DNAJC24: variants seen among roughly 807,000 people sequenced by gnomAD.
The protein encoded by DNAJC24 is DnaJ heat shock protein family (Hsp40) member C24, also known as dnaJ homolog subfamily C member 24.
A neutral mutation model predicts 18.0 loss-of-function variants in DNAJC24; 17 were observed. The observed-to-expected ratio is 0.94, with a 90% CI of 0.65 to 1.42. The LOEUF (loss-of-function observed/expected upper bound fraction) is 1.42, where lower values mean the gene tolerates loss of function less well. Ranked by LOEUF, DNAJC24 falls within the 40% of genes most tolerant of loss-of-function variation. DNAJC24 has a pLI of 0.00. For missense variants in DNAJC24, 158 were observed against 175.6 expected, an observed-to-expected ratio of 0.90 and a Z score of 0.57; for synonymous variants, 55 against 57.7, an observed-to-expected ratio of 0.95 and a Z score of 0.21.
At position 31,375,889 on chromosome 11, in the gene DNAJC24, A is replaced by G. The variant is rs762713690; in HGVS notation, c.111+5030A>G. 1.9e-4 allele frequency among the ~76,000 whole-genome samples: 26 copies of G among 135,344 alleles called. 5 individuals carry two copies. Among genetic ancestry groups the G allele is most frequent in the Non-Finnish European group, 3.1e-4 (18 of 58,484 alleles). The allele number at this position is 135,344 out of a possible 152,430, so 88.8% of individuals were successfully genotyped here. Reference sequence around the variant, plus strand: ...CTCCTTGTAGATAGCTATGTATACTATGGGAGCAAGAAGTCTCAGCTAACA... The same window carrying G: ...CTCCTTGTAGATAGCTATGTATACTGTGGGAGCAAGAAGTCTCAGCTAACA... On this transcript the variant is annotated intron_variant, in intron 2 of 4. Coordinates refer to ENST00000465995, the MANE Select transcript of DNAJC24 (RefSeq NM_181706.5).
chr11:31,389,778 A>T (rs1435273468), intron 2 of DNAJC24, among the ~76,000 whole-genome samples: 1 of 152,242 alleles, frequency 6.6e-6, no homozygotes, highest in Non-Finnish European at 1.5e-5. Flanking sequence ...ACAATTTTTT[A>T]AAATTCAAAC....
chr11:31,430,312 TAC>T lies in DNAJC24; in HGVS notation c.363_364del (p.Tyr121Ter). The T allele has an allele frequency of 2.5e-6, 4 of 1,611,146 alleles. No homozygotes were observed. Among genetic ancestry groups the T allele is most frequent in the Non-Finnish European group, 3.4e-6 (4 of 1,177,950 alleles). ...TCTGAGTTGCAGATGTGGTGGAAAA[TAC>T]AGTGTTTCCAAGGATGAAGCGGAAG... ...FYLSCRCGGK[Y>X]SVSKDEAEEV... On this transcript the variant is annotated frameshift_variant, in exon 5 of 5. Transcript: ENST00000465995.
In DNAJC24 at chr11:31,388,750, A is replaced by G. The variant is rs1952457126; in HGVS notation, c.111+17891A>G. 2.0e-5 allele frequency among the ~76,000 whole-genome samples: 3 copies of G among 152,330 alleles called. No individual in the cohort carries two copies. The South Asian group carries it at 6.2e-4, about 32-fold the overall frequency. On this transcript the variant is annotated intron_variant, in intron 2 of 4. Transcript: ENST00000465995. ...TAGTTGTGGTAGGTAAACTACTTGTATCCTGAGAAGAGAGAGTAAATGATG... is the reference window on the plus strand; with the variant it reads ...TAGTTGTGGTAGGTAAACTACTTGTGTCCTGAGAAGAGAGAGTAAATGATG...
At chr11:31,408,919 G>C (rs1952679663) in intron 2 of DNAJC24, among the ~76,000 whole-genome samples, 1 of 152,106 alleles carries the variant, frequency 6.6e-6, no homozygotes, top group African/African-American at 2.4e-5. Flanking sequence ...GAATCACACA[G>C]ATACTATCAC....
At chr11:31,392,018 T>G (rs1293620323) in intron 2 of DNAJC24, among the ~76,000 whole-genome samples, 1 of 152,136 alleles carries the variant, frequency 6.6e-6, no homozygotes, top group African/African-American at 2.4e-5. Flanking sequence ...CTTTACATGT[T>G]TTTACTTATT....
At chr11:31,419,670 A>G (rs553593646) in intron 3 of DNAJC24, among the ~76,000 whole-genome samples, 53 of 151,508 alleles carry the variant, frequency 3.5e-4, no homozygotes, top group African/African-American at 1.3e-3. Flanking sequence ...AACTTTAACC[A>G]CTCTCCCAAC....
intron 2 of DNAJC24, among the ~76,000 whole-genome samples, chr11:31,400,320 T>C (rs749444144): frequency 2.6e-5 from 4 of 152,128 alleles, no homozygotes; most frequent in Non-Finnish European, 5.9e-5. Flanking sequence ...TCTAGGTCCT[T>C]GAGGAATCGC....
chr11:31,376,064 G>A (rs1010622992), intron 2 of DNAJC24, among the ~76,000 whole-genome samples: 29 of 84,092 alleles, frequency 3.4e-4, no homozygotes, highest in African/African-American at 8.3e-4. Context: ...TGGCGAGGAG[G>A]GGGTTCCCCC....
At chr11:31,423,789 G>C (rs1409206296) in intron 3 of DNAJC24, among the ~76,000 whole-genome samples, 1 of 152,126 alleles carries the variant, frequency 6.6e-6, no homozygotes, top group South Asian at 2.1e-4. Flanking sequence ...GACAGCCACA[G>C]AATATGAAAA....
intron 2 of DNAJC24, among the ~76,000 whole-genome samples, chr11:31,411,730 T>A (rs1413949439): frequency 6.6e-6 from 1 of 152,220 alleles, no homozygotes; most frequent in Non-Finnish European, 1.5e-5. Flanking sequence ...AACCAGATAA[T>A]CCAGCAAAAT....
intron 2 of DNAJC24, among the ~76,000 whole-genome samples, chr11:31,391,860 A>C (rs1348257679): frequency 3.9e-5 from 6 of 152,250 alleles, no homozygotes; most frequent in African/African-American, 7.2e-5. Context: ...TTAAGTGTAC[A>C]TCAACAGACA....
At chr11:31,398,223 T>A (rs1477623816) in intron 2 of DNAJC24, among the ~76,000 whole-genome samples, 1 of 152,146 alleles carries the variant, frequency 6.6e-6, no homozygotes, top group Non-Finnish European at 1.5e-5. Context: ...TTACTCTTTT[T>A]TTTTTCCCTG....
chr11:31,414,293 A>G (rs755578620), intron 2 of DNAJC24, among the ~76,000 whole-genome samples: 7 of 152,210 alleles, frequency 4.6e-5, no homozygotes, highest in Non-Finnish European at 8.8e-5. Context: ...TATAATCTTC[A>G]GGGCTGGGGA....
intron 2 of DNAJC24, among the ~76,000 whole-genome samples, chr11:31,394,302 G>A (rs2133480609): frequency 6.6e-6 from 1 of 152,332 alleles, no homozygotes; most frequent in South Asian, 2.1e-4. Flanking sequence ...AGCATACCTT[G>A]CTTAATTTCA....
intron 3 of DNAJC24, among the ~76,000 whole-genome samples, chr11:31,418,945 C>T (rs902024144): frequency 4.6e-5 from 7 of 151,846 alleles, no homozygotes; most frequent in African/African-American, 1.7e-4. Flanking sequence ...ACCTTAAAAC[C>T]CCACCAACAA....
chr11:31,426,712 T>G (rs1267047928), intron 4 of DNAJC24: 1 of 162,436 alleles, frequency 6.2e-6, no homozygotes, highest in Non-Finnish European at 1.3e-5. Flanking sequence ...TTTTTTCCGT[T>G]CCTTTTAATG....
rs887058069 is a variant in DNAJC24 at position 31,375,440 on chromosome 11, G to A, written c.111+4581G>A. On this transcript the variant is annotated intron_variant, in intron 2 of 4. Coordinates refer to ENST00000465995, the MANE Select transcript of DNAJC24 (RefSeq NM_181706.5). Reference sequence around the variant, plus strand: ...TAAGGAGAATGAGGGTAGGTGGACTGTAATAAAAGGTTGAAATTTTTTCTT... The same window carrying A: ...TAAGGAGAATGAGGGTAGGTGGACTATAATAAAAGGTTGAAATTTTTTCTT... Among the ~76,000 whole-genome samples the A allele has an allele frequency of 1.5e-5, 2 of 135,364 alleles. 1 individual carries two copies. The highest frequency in any genetic ancestry group is 3.4e-5 in the Non-Finnish European group (2 of 58,504). The allele number at this position is 135,364 out of a possible 152,430, so 88.8% of individuals were successfully genotyped here.
intron 2 of DNAJC24, among the ~76,000 whole-genome samples, chr11:31,404,021 A>G (rs1187608179): frequency 3.9e-5 from 6 of 152,290 alleles, no homozygotes; most frequent in East Asian, 1.9e-4. Context: ...TTTAGACCTT[A>G]TAGGATAACT....
Position 31,414,830 on chromosome 11 carries a change from G to A in DNAJC24, c.131G>A (p.Ser44Asn), listed in dbSNP as rs1348352140. 5.6e-6 allele frequency: 9 copies of A among 1,613,586 alleles called. No homozygotes were observed. The highest frequency in any genetic ancestry group is 1.1e-5 in the South Asian group (1 of 91,008). The change falls in exon 3 of 5, where the codon AGT (serine) becomes AAT (asparagine). Residue 44 changes from serine (S) to asparagine (N), a missense_variant. Ser to Asn is a conservative substitution (Grantham distance 46). Coordinates refer to ENST00000465995, the MANE Select transcript of DNAJC24 (RefSeq NM_181706.5). ...LILMYHPDKQ[S>N]TDVPAGTVEE... Reference sequence around the variant, plus strand: ...TGGCAGTATCATCCAGATAAACAAAGTACAGATGTACCAGCAGGAACAGTG... The same window carrying A: ...TGGCAGTATCATCCAGATAAACAAAATACAGATGTACCAGCAGGAACAGTG...
Sources: gnomAD v4.1 joint callset for allele counts (sites outside exome capture counted in the v4.1 genomes callset) on GRCh38, gnomAD v4.1.1 for gene constraint, MANE v1.5 for transcripts, NCBI Gene and HGNC (gene_info 2026-07-23, HGNC 2026-07-21) for gene names.